The following ERC1 variants were observed in gnomAD, a reference collection of about 807,000 sequenced individuals.
ERC1 encodes the protein RAB6 interacting protein 2.
ERC1 carries 56 observed loss-of-function variants against 132.0 expected under a neutral mutation model. That is an observed-to-expected ratio of 0.42 (90% CI 0.34 to 0.53). ERC1 has a LOEUF of 0.53. ERC1 is among the 20% of genes least tolerant of loss of function. ERC1 has a pLI of 0.03. For synonymous variants in ERC1, 478 were observed against 476.1 expected, an observed-to-expected ratio of 1.00 and a Z score of -0.05; for missense variants, 1,202 against 1,349.9, an observed-to-expected ratio of 0.89 and a Z score of 1.72.
At chr12:1,477,404 G>T (rs2093996164) in intron 18 of ERC1, among the ~76,000 whole-genome samples, 1 of 152,214 alleles carries the variant, frequency 6.6e-6, no homozygotes, top group African/African-American at 2.4e-5. Flanking sequence ...AGAGAGAACA[G>T]TGGACAGTCT....
At chr12:1,151,793 C>A (rs1264535657) in intron 8 of ERC1, 2 of 152,210 alleles carry the variant, frequency 1.3e-5, no homozygotes, top group African/African-American at 4.8e-5. Flanking sequence ...AACCAAGTAG[C>A]CACCAAGTAA....
At chr12:1,400,916 A>ATTATTATTATT (rs2090981093) in intron 16 of ERC1, among the ~76,000 whole-genome samples, 5 of 15,040 alleles carry the variant, frequency 3.3e-4, no homozygotes, top group African/African-American at 1.5e-3. Context: ...CTATTTTTGT[A>ATTATTATTATT]TTTTTTTTTT....
At chr12:1,239,183 G>T (rs1312627259) in intron 13 of ERC1, among the ~76,000 whole-genome samples, 1 of 152,124 alleles carries the variant, frequency 6.6e-6, no homozygotes, top group Non-Finnish European at 1.5e-5. Context: ...TGATCCTCCT[G>T]TCTCAGCCTC....
At position 1,394,046 on chromosome 12, in the gene ERC1, C is replaced by CAAAAAAAAAAAAAAAA. The variant is rs1555389413; in HGVS notation, c.2926-14102_2926-14101insAAAAAAAAAAAAAAAA. 5.6e-5 allele frequency among the ~76,000 whole-genome samples: 4 copies of CAAAAAAAAAAAAAAAA among 70,808 alleles called. 1 individual carries two copies. The highest frequency in any genetic ancestry group is 2.0e-4 in the African/African-American group (4 of 19,982). 46.5% of individuals were successfully genotyped at this position (70,808 alleles called of 152,430 possible). On this transcript the variant is annotated intron_variant, in intron 16 of 18. Transcript: ENST00000360905. ...AAAAAAAAAAAAACAAAAAAAAAAC[C>CAAAAAAAAAAAAAAAA]ACAAAGCATTAAGCAATTTAATTTC...
intron 17 of ERC1, among the ~76,000 whole-genome samples, chr12:1,428,197 A>G (rs920977431): frequency 1.3e-5 from 2 of 152,240 alleles, no homozygotes; most frequent in African/African-American, 2.4e-5. Context: ...ACAACAAAGT[A>G]TCTTTGTACT....
intron 12 of ERC1, among the ~76,000 whole-genome samples, chr12:1,201,133 A>ACGCG (rs1460604337): frequency 6.6e-6 from 1 of 152,184 alleles, no homozygotes; most frequent in Non-Finnish European, 1.5e-5. Flanking sequence ...TGTAGATTAA[A>ACGCG]CAAAAGTGTA....
chr12:1,123,617 G>A (rs560710423), intron 7 of ERC1, among the ~76,000 whole-genome samples: 3 of 152,266 alleles, frequency 2.0e-5, no homozygotes, highest in Admixed American at 2.0e-4. Context: ...GGCACACAGA[G>A]CAATGTTATA....
At chr12:1,228,387 T>C (rs1386922462) in intron 12 of ERC1, among the ~76,000 whole-genome samples, 3 of 49,954 alleles carry the variant, frequency 6.0e-5, no homozygotes. Context: ...TTGTATATTT[T>C]ATATTCTGCA....
At position 1,312,211 on chromosome 12, in the gene ERC1, T is replaced by G. The variant is rs76654981; in HGVS notation, c.2780+22199T>G. On this transcript the variant is annotated intron_variant, in intron 15 of 18. Transcript: ENST00000360905. ...CCATATTGACTTTTTCTTTTGAAGTTTATGCTGCTGTCTCTTCAGTACCTT... is the reference window on the plus strand; with the variant it reads ...CCATATTGACTTTTTCTTTTGAAGTGTATGCTGCTGTCTCTTCAGTACCTT... Among the ~76,000 whole-genome samples, 968 of 152,310 alleles carry G rather than the reference T, an allele frequency of 6.4e-3. 29 individuals carry two copies. In the East Asian group the frequency reaches 0.08, roughly 13 times the overall value.
intron 12 of ERC1, among the ~76,000 whole-genome samples, chr12:1,227,018 A>T (rs1278772966): frequency 6.6e-6 from 1 of 152,144 alleles, no homozygotes; most frequent in East Asian, 1.9e-4. Flanking sequence ...ATTTGATTAT[A>T]TATGCCACAT....
chr12:1,196,905 TACACACACACACACACAC>T (rs766381798), intron 12 of ERC1, among the ~76,000 whole-genome samples: 2,014 of 57,636 alleles, frequency 0.035, 93 homozygotes, highest in Non-Finnish European at 0.041. Context: ...TCTGTCTCTC[TACACACACACACACACAC>T]ACACACACAC....
chr12:1,358,442 A>G (rs1211598830), intron 15 of ERC1, among the ~76,000 whole-genome samples: 1 of 152,134 alleles, frequency 6.6e-6, no homozygotes, highest in African/African-American at 2.4e-5. Context: ...AGTACATACA[A>G]ATGCTAAAAA....
chr12:1,244,497 GGTTTGTTTGTTTGTTTGTTT>G (rs71055140), intron 13 of ERC1: 4 of 442,272 alleles, frequency 9.0e-6, no homozygotes, highest in East Asian at 7.1e-5. Context: ...TGTACTTAAT[GGTTTGTTTGTTTGTTTGTTT>G]GTTTGTTTGT....
rs750134581 is a variant in ERC1, at chr12:1,493,179, A to G, written c.*2949A>G. 1.9e-4 allele frequency: 39 copies of G among 202,292 alleles called. No homozygotes were observed. The highest frequency in any genetic ancestry group is 1.6e-3 in the Admixed American group (26 of 16,646). 12.5% of individuals were successfully genotyped at this position (202,292 alleles called of 1,614,324 possible). A position where few individuals can be genotyped will look rare whatever the true frequency, so the allele number is the denominator to read the frequency against. On this transcript the variant is annotated 3_prime_UTR_variant, in exon 19 of 19. Transcript: ENST00000360905. The stretch of plus-strand genomic sequence containing the variant: ...ATTGAATCATTGATGAGGTATCTCA[A>G]TTGAGATTTGCAAGGACTTTGATAC...
At chr12:1,231,588 T>C (rs537959051) in intron 12 of ERC1, among the ~76,000 whole-genome samples, 111 of 152,352 alleles carry the variant, frequency 7.3e-4, no homozygotes, top group Non-Finnish European at 1.3e-3. Context: ...GCATTTCTTA[T>C]AAGGCAGGTC....
At chr12:1,150,756 C>T (rs187760479) in intron 8 of ERC1, among the ~76,000 whole-genome samples, 10 of 152,268 alleles carry the variant, frequency 6.6e-5, no homozygotes, top group Non-Finnish European at 2.9e-5. Flanking sequence ...TTCCACCAAA[C>T]AACTGACTAG....
chr12:1,443,395 G>A (rs938794840), intron 17 of ERC1: 4 of 152,208 alleles, frequency 2.6e-5, no homozygotes, highest in Non-Finnish European at 5.9e-5. Flanking sequence ...GTCCAAGGAG[G>A]AATCAGTGTT....
At chr12:1,419,245 A>G (rs1008601569) in intron 17 of ERC1, among the ~76,000 whole-genome samples, 1 of 152,096 alleles carries the variant, frequency 6.6e-6, no homozygotes, top group Admixed American at 6.5e-5. Flanking sequence ...CCATGGTAGC[A>G]ATGTATGTAT....
chr12:1,060,019 G>A (rs1022499932), intron 2 of ERC1, among the ~76,000 whole-genome samples: 1 of 152,070 alleles, frequency 6.6e-6, no homozygotes, highest in South Asian at 2.1e-4. Flanking sequence ...TTGTTACTTG[G>A]TGTTGTTCTG....
Sources: gnomAD v4.1 joint callset for allele counts (sites outside exome capture counted in the v4.1 genomes callset) on GRCh38, gnomAD v4.1.1 for gene constraint, MANE v1.5 for transcripts, NCBI Gene and HGNC (gene_info 2026-07-23, HGNC 2026-07-21) for gene names.